ERI3: variants seen among roughly 807,000 people sequenced by gnomAD.
ERI3 encodes the protein ERI1 exoribonuclease 3.
A neutral mutation model predicts 44.4 loss-of-function variants in ERI3; 18 were observed. That is an observed-to-expected ratio of 0.41 (90% CI 0.28 to 0.60). ERI3 has a LOEUF of 0.60. Ranked by LOEUF, ERI3 falls within the 20% of genes least tolerant of loss-of-function variation. ERI3 has a pLI of 0.36. For missense variants in ERI3, 294 were observed against 435.5 expected (o/e 0.68, Z 2.89); for synonymous variants, 183 against 164.8 (o/e 1.11, Z -0.84).
chr1:44,284,360 A>G (rs1645349475), intron 7 of ERI3, among the ~76,000 whole-genome samples: 2 of 152,202 alleles, frequency 1.3e-5, no homozygotes, highest in South Asian at 4.1e-4. Context: ...GCTCTCCTGG[A>G]GCAAGGCAGG....
Position 44,228,924 on chromosome 1 carries a change from G to A in ERI3, c.932-7284C>T, listed in dbSNP as rs1192395707. Among the ~76,000 whole-genome samples, 1 of 152,210 alleles carries A rather than the reference G, an allele frequency of 6.6e-6. No individual in the cohort carries two copies. The highest frequency in any genetic ancestry group is 1.9e-4 in the East Asian group (1 of 5,198). On this transcript the variant is annotated intron_variant, in intron 8 of 8. Transcript: ENST00000372257. The surrounding 1 kb of genome is among the most constrained non-coding windows in gnomAD (Gnocchi z 4.3). ...CAGACTCCCAGGCCTGGCAGGACATGTCAACGTCATTCAAACCCCAATACA... is the reference window on the plus strand; with the variant it reads ...CAGACTCCCAGGCCTGGCAGGACATATCAACGTCATTCAAACCCCAATACA...
At chr1:44,281,712 C>A (rs1645291021) in intron 7 of ERI3, among the ~76,000 whole-genome samples, 1 of 150,940 alleles carries the variant, frequency 6.6e-6, no homozygotes, top group African/African-American at 2.4e-5. Context: ...TGTATAAACA[C>A]CTTCATGTCT....
chr1:44,284,001 G>T, intron 7 of ERI3: 1 of 470,718 alleles, frequency 2.1e-6, no homozygotes, highest in Non-Finnish European at 4.4e-6. Context: ...CCCCCGGTGT[G>T]TTCTCCTTTC....
At chr1:44,238,542 G>C (rs1342352732) in intron 8 of ERI3, among the ~76,000 whole-genome samples, 1 of 152,110 alleles carries the variant, frequency 6.6e-6, no homozygotes, top group Non-Finnish European at 1.5e-5. Context: ...AAGCATCATC[G>C]TTGCGGAGAT....
chr1:44,234,640 C>A (rs1159650871), intron 8 of ERI3, among the ~76,000 whole-genome samples: 1 of 152,052 alleles, frequency 6.6e-6, no homozygotes, highest in African/African-American at 2.4e-5. Flanking sequence ...GCCGGGGCAA[C>A]AGAATGAGAC....
intron 7 of ERI3, among the ~76,000 whole-genome samples, chr1:44,274,842 G>A (rs1458332101): frequency 6.6e-6 from 1 of 152,124 alleles, no homozygotes; most frequent in Non-Finnish European, 1.5e-5. Flanking sequence ...CCATGCCTGT[G>A]CTCACACCTC....
At chr1:44,277,239 G>A (rs541083981) in intron 7 of ERI3, among the ~76,000 whole-genome samples, 63 of 152,062 alleles carry the variant, frequency 4.1e-4, no homozygotes, top group African/African-American at 1.4e-3. Flanking sequence ...GGGACCTTCC[G>A]CCTAAAGAGA....
chr1:44,247,931 G>A lies in ERI3; in HGVS notation c.931+8C>T. 1.2e-6 allele frequency: 2 copies of A among 1,608,570 alleles called. No individual in the cohort carries two copies. Among genetic ancestry groups the A allele is most frequent in the Admixed American group, 1.7e-5 (1 of 59,358 alleles). On this transcript the variant is annotated splice_region_variant and intron_variant, in intron 8 of 8. Coordinates refer to ENST00000372257, the MANE Select transcript of ERI3 (RefSeq NM_024066.3). ...GGAGCTGCCGGGGGAATATGCGAAG[G>A]GACTGACCAATGCCGCTGTGGGGCC...
At chr1:44,335,773 T>C (rs1356063295) in intron 3 of ERI3, among the ~76,000 whole-genome samples, 2 of 125,532 alleles carry the variant, frequency 1.6e-5, no homozygotes, top group African/African-American at 3.1e-5. Context: ...CGAAACTCCA[T>C]CTCAAAAAAA....
intron 6 of ERI3, among the ~76,000 whole-genome samples, chr1:44,298,998 T>C (rs1240367431): frequency 6.6e-6 from 1 of 151,952 alleles, no homozygotes; most frequent in Non-Finnish European, 1.5e-5. Context: ...GTCAGAACGG[T>C]GGTTAGCTGG....
At chr1:44,240,523 C>T (rs761568768) in intron 8 of ERI3, among the ~76,000 whole-genome samples, 1 of 152,174 alleles carries the variant, frequency 6.6e-6, no homozygotes, top group Non-Finnish European at 1.5e-5. Context: ...GAGATATGTT[C>T]AAATTCCTGC....
At chr1:44,304,925 T>C (rs1006209002) in intron 6 of ERI3, among the ~76,000 whole-genome samples, 10 of 152,114 alleles carry the variant, frequency 6.6e-5, no homozygotes, top group Non-Finnish European at 1.3e-4. Context: ...CTCTCCTCCC[T>C]CAAGGGGGAG....
intron 7 of ERI3, among the ~76,000 whole-genome samples, chr1:44,272,901 A>G (rs1406681715): frequency 3.3e-5 from 5 of 151,666 alleles, no homozygotes; most frequent in South Asian, 2.1e-4. Flanking sequence ...ATCCACGTTA[A>G]AAAAACAAAT....
At chr1:44,307,819 A>T (rs1174776962) in intron 6 of ERI3, among the ~76,000 whole-genome samples, 1 of 152,204 alleles carries the variant, frequency 6.6e-6, no homozygotes, top group Non-Finnish European at 1.5e-5. Flanking sequence ...AGTTAAGAGC[A>T]AGGACCTGAG....
chr1:44,282,970 G>A (rs1222651199), intron 7 of ERI3, among the ~76,000 whole-genome samples: 2 of 152,150 alleles, frequency 1.3e-5, no homozygotes, highest in Admixed American at 6.5e-5. Flanking sequence ...CACATGGGTC[G>A]GCTGCTTTCC....
chr1:44,328,323 T>A (rs1410754552), intron 3 of ERI3, among the ~76,000 whole-genome samples: 1 of 148,322 alleles, frequency 6.7e-6, no homozygotes, highest in Non-Finnish European at 1.5e-5. Context: ...GTTTTGCAGA[T>A]GAGAAAGCTA....
At chr1:44,263,385 C>T (rs1644930606) in intron 7 of ERI3, among the ~76,000 whole-genome samples, 1 of 152,240 alleles carries the variant, frequency 6.6e-6, no homozygotes, top group Non-Finnish European at 1.5e-5. Flanking sequence ...CAGGCTGGGT[C>T]CAACTGGCCA....
intron 6 of ERI3, among the ~76,000 whole-genome samples, chr1:44,287,913 G>C (rs1428189873): frequency 2.0e-5 from 3 of 152,168 alleles, no homozygotes; most frequent in Admixed American, 6.5e-5. Flanking sequence ...AGGGAGCCTC[G>C]ATCTTATTCT....
rs572832052 is a variant in ERI3, at chr1:44,325,220, G to A, written c.490-5476C>T. Among the ~76,000 whole-genome samples, 225 of 151,622 alleles carry A rather than the reference G, an allele frequency of 1.5e-3. 1 individual carries two copies. Among genetic ancestry groups the A allele is most frequent in the Non-Finnish European group, 2.8e-3 (193 of 67,868 alleles). ...AGCCTCCCAAGTAGCTGGGATTACA[G>A]GCACCCGTGACCACACCCGGCTATT... On this transcript the variant is annotated intron_variant, in intron 3 of 8. Coordinates refer to ENST00000372257, the MANE Select transcript of ERI3 (RefSeq NM_024066.3).
Sources: allele counts gnomAD v4.1 joint callset (sites outside exome capture counted in the v4.1 genomes callset), GRCh38; gene constraint gnomAD v4.1.1; non-coding constraint Gnocchi (gnomAD v3.1); transcripts MANE v1.5; gene names NCBI Gene and HGNC (gene_info 2026-07-23, HGNC 2026-07-21).